Variants in ZC3H18 observed in about 807,000 individuals in gnomAD.
ZC3H18 encodes zinc finger CCCH-type containing 18.
A neutral mutation model predicts 106.1 loss-of-function variants in ZC3H18; 8 were observed. That is an observed-to-expected ratio of 0.08 (90% CI 0.04 to 0.14). ZC3H18 has a LOEUF of 0.14. Ranked by LOEUF, ZC3H18 falls within the 10% of genes least tolerant of loss-of-function variation. The pLI is 1.00. For missense variants in ZC3H18, 1,318 were observed against 1,278.4 expected (o/e 1.03, Z -0.47); for synonymous variants, 635 against 522.1 (o/e 1.22, Z -2.95).
intron 2 of ZC3H18, among the ~76,000 whole-genome samples, chr16:88,581,018 G>A (rs1038840621): frequency 6.6e-6 from 1 of 152,194 alleles, no homozygotes; most frequent in Non-Finnish European, 1.5e-5. Context: ...GATTCGCCTA[G>A]AGGCTTTCCC....
chr16:88,577,365 A>G lies in ZC3H18; in HGVS notation c.242A>G (p.Gln81Arg). The G allele has an allele frequency of 6.3e-7, 1 of 1,596,234 alleles. No homozygotes were observed. Among genetic ancestry groups the G allele is most frequent in the Non-Finnish European group, 8.6e-7 (1 of 1,169,224 alleles). ...GCAAGTGAGCCTAAATCCCAAGACC[A>G]GGACTCAGAGGTGAATGAGCTGAGC... Reference protein sequence around the residue: ...DRASEPKSQDQDSEVNELSRG... With the variant: ...DRASEPKSQDRDSEVNELSRG... The change falls in exon 2 of 18, where the codon CAG (glutamine) becomes CGG (arginine). Residue 81 changes from glutamine to arginine, a missense_variant. Transcript: ENST00000301011.
chr16:88,604,203 T>G (rs1327890519), intron 6 of ZC3H18, among the ~76,000 whole-genome samples: 1 of 151,768 alleles, frequency 6.6e-6, no homozygotes, highest in African/African-American at 2.4e-5. Context: ...TATACAAAAA[T>G]TAGTTGGGCA....
chr16:88,602,175 T>C lies in ZC3H18; in HGVS notation c.1088+2227T>C, dbSNP rs1282281614. ...TGCCCGCTGCAGGCAGGGCCTCACC[T>C]GGAACAGCTGGCAAAGCAGGTCGCA... On this transcript the variant is annotated intron_variant, in intron 6 of 17. Transcript: ENST00000301011. Among the ~76,000 whole-genome samples, 4 of 152,230 alleles carry C rather than the reference T, an allele frequency of 2.6e-5. No individual in the cohort carries two copies. The South Asian group carries it at 6.2e-4, about 24-fold the overall frequency.
intron 15 of ZC3H18, 161 bp from the exon 16 acceptor site, chr16:88,628,597 G>A (rs1906464300): frequency 1.4e-6 from 1 of 703,832 alleles, no homozygotes; most frequent in African/African-American, 1.8e-5. Flanking sequence ...CCTTGGTCCG[G>A]GTCCTGGAGG....
intron 6 of ZC3H18, among the ~76,000 whole-genome samples, chr16:88,602,167 G>A (rs1904782635): frequency 6.6e-6 from 1 of 152,240 alleles, no homozygotes; most frequent in South Asian, 2.1e-4. Context: ...TGCAGGCAGG[G>A]CCTCACCTGG....
chr16:88,616,509 C>T (rs1262755554), intron 8 of ZC3H18, among the ~76,000 whole-genome samples: 1 of 152,200 alleles, frequency 6.6e-6, no homozygotes, highest in Non-Finnish European at 1.5e-5. Context: ...CTCACCTTTG[C>T]GGGAGCCCTG....
intron 10 of ZC3H18, 162 bp from the exon 11 acceptor site, chr16:88,623,796 G>A (rs1906120325): frequency 7.5e-7 from 1 of 1,340,280 alleles, no homozygotes; most frequent in South Asian, 1.8e-5. Context: ...CTGGGCCTGT[G>A]TTTTTAGCAG....
At chr16:88,608,909 G>A in intron 6 of ZC3H18, 25 bp from the exon 7 acceptor site, 2 of 1,587,066 alleles carry the variant, frequency 1.3e-6, no homozygotes, top group Non-Finnish European at 1.7e-6. Flanking sequence ...AGTGATGAGA[G>A]TTCTTTTTCA....
intron 7 of ZC3H18, 41 bp from the exon 8 acceptor site, chr16:88,611,227 A>G: frequency 1.4e-6 from 1 of 732,930 alleles, no homozygotes; most frequent in South Asian, 1.5e-5. Flanking sequence ...TGTCACCCAA[A>G]TAACGCACGG....
At position 88,577,577 on chromosome 16, in the gene ZC3H18, G is replaced by A. The variant is rs1372848072; in HGVS notation, c.454G>A (p.Ala152Thr). Residue 152 changes from alanine (A) to threonine (T), a missense_variant, in exon 2 of 18, where the codon GCT becomes ACT. By Grantham distance (58) the Ala-to-Thr change is moderately conservative. Transcript: ENST00000301011. ...VQEDEAEKAG[A>T]EDDEEKGEGT... Reference sequence around the variant, plus strand: ...GGAGGACGAGGCTGAGAAAGCGGGGGCTGAGGATGATGAGGAGAAAGGCGA... The same window carrying A: ...GGAGGACGAGGCTGAGAAAGCGGGGACTGAGGATGATGAGGAGAAAGGCGA... 1.9e-6 allele frequency: 3 copies of A among 1,613,678 alleles called. No individual in the cohort carries two copies. The highest frequency in any genetic ancestry group is 2.5e-6 in the Non-Finnish European group (3 of 1,179,880).
At chr16:88,580,747 C>A (rs907418907) in intron 2 of ZC3H18, among the ~76,000 whole-genome samples, 1 of 152,186 alleles carries the variant, frequency 6.6e-6, no homozygotes, top group Non-Finnish European at 1.5e-5. Flanking sequence ...GAGCAGTCAG[C>A]TTCCCACCAG....
At chr16:88,603,356 C>T (rs972177508) in intron 6 of ZC3H18, among the ~76,000 whole-genome samples, 3 of 151,434 alleles carry the variant, frequency 2.0e-5, no homozygotes, top group African/African-American at 4.8e-5. Context: ...CACGGTGGCT[C>T]ACGCCTGTAA....
intron 2 of ZC3H18, among the ~76,000 whole-genome samples, chr16:88,580,033 G>A (rs1915010591): frequency 6.6e-6 from 1 of 152,090 alleles, no homozygotes; most frequent in South Asian, 2.1e-4. Flanking sequence ...GAGCCCCCGT[G>A]GTCTCCTCTT....
chr16:88,628,938 C>T (rs1171959874), intron 16 of ZC3H18, 84 bp downstream of exon 16: 3 of 1,382,310 alleles, frequency 2.2e-6, no homozygotes, highest in South Asian at 1.2e-5. Flanking sequence ...CCCCATTGCT[C>T]TTAACAAGTA....
chr16:88,622,224 G>T lies in ZC3H18; in HGVS notation c.1503G>T (p.Glu501Asp). ...GCCAAGCTGAGCCACCAAAGAAGGA[G>T]GCTGCCACCACGGGGCCGCAGGTGA... ...PSRQAEPPKK[E>D]AATTGPQVKR... is the part of the protein sequence containing the mutation. Residue 501 changes from glutamate to aspartate, a missense_variant, in exon 9 of 18, where the codon GAG becomes GAT. Physicochemically the swap from Glu to Asp is conservative, Grantham distance 45 (BLOSUM62 2). Transcript: ENST00000301011. The T allele has an allele frequency of 6.2e-7, 1 of 1,611,092 alleles. No individual in the cohort carries two copies.
At chr16:88,610,999 T>G (rs1905242017) in intron 7 of ZC3H18, among the ~76,000 whole-genome samples, 1 of 152,212 alleles carries the variant, frequency 6.6e-6, no homozygotes, top group Non-Finnish European at 1.5e-5. Flanking sequence ...GTTTTTAACA[T>G]TGTGTTTTAA....
chr16:88,600,809 G>A (rs573265715), intron 6 of ZC3H18, among the ~76,000 whole-genome samples: 12 of 152,378 alleles, frequency 7.9e-5, no homozygotes, highest in African/African-American at 2.9e-4. Flanking sequence ...GGCATATAAA[G>A]TGCTGTTTTC....
At chr16:88,607,899 C>T (rs962042532) in intron 6 of ZC3H18, among the ~76,000 whole-genome samples, 1 of 152,254 alleles carries the variant, frequency 6.6e-6, no homozygotes, top group African/African-American at 2.4e-5. Context: ...GGAATCAGCT[C>T]TGCACATTTC....
intron 1 of ZC3H18, among the ~76,000 whole-genome samples, chr16:88,575,437 C>T (rs759351539): frequency 1.5e-4 from 23 of 152,126 alleles, no homozygotes; most frequent in Middle Eastern, 3.4e-3. Flanking sequence ...ACAGACTGAA[C>T]AGTCAAGTGA....
Sources: allele counts gnomAD v4.1 joint callset (sites outside exome capture counted in the v4.1 genomes callset), GRCh38; gene constraint gnomAD v4.1.1; transcripts MANE v1.5; gene names NCBI Gene and HGNC (gene_info 2026-07-23, HGNC 2026-07-21).